DDX4: variants seen among roughly 807,000 people sequenced by gnomAD.
The protein encoded by DDX4 is probable ATP-dependent RNA helicase DDX4.
In DDX4, 25 loss-of-function variants were observed where a neutral mutation model predicts 100.0. That is an observed-to-expected ratio of 0.25 (90% CI 0.18 to 0.35). The LOEUF is 0.35. Among genes scored for constraint, DDX4 ranks in the 10% least tolerant of loss-of-function variants. The pLI, the probability that DDX4 is intolerant of heterozygous loss-of-function variation, is 1.00. For missense variants in DDX4, 635 were observed against 882.4 expected (o/e 0.72, Z 3.55); for synonymous variants, 259 against 275.7 (o/e 0.94, Z 0.60).
rs1392558099 is a variant in DDX4 at position 55,765,413 on chromosome 5, A to AAAAAAATATAT, written c.334+1350_334+1351insAAAAATATATA. 7.2e-5 allele frequency among the ~76,000 whole-genome samples: 6 copies of AAAAAAATATAT among 83,036 alleles called. No individual in the cohort carries two copies. In the Admixed American group the frequency reaches 8.5e-4, roughly 12 times the overall value. 54.5% of individuals were successfully genotyped at this position (83,036 alleles called of 152,430 possible). A position where few individuals can be genotyped will look rare whatever the true frequency, so the allele number is the denominator to read the frequency against. ...GTTCCCCTAAAAAAAAAAAAAAAAA[A>AAAAAAATATAT]ATATATATATATATATATATATATG... On this transcript the variant is annotated intron_variant, in intron 6 of 21. Transcript: ENST00000505374.
chr5:55,756,440 G>A (rs1247410945), intron 3 of DDX4, among the ~76,000 whole-genome samples: 1 of 152,126 alleles, frequency 6.6e-6, no homozygotes, highest in Non-Finnish European at 1.5e-5. Context: ...TAGAAGTCAG[G>A]AGAGCTGGCA....
intron 21 of DDX4, 28 bp from the exon 22 acceptor site, chr5:55,816,435 T>G: frequency 4.3e-6 from 1 of 233,750 alleles, no homozygotes. Flanking sequence ...TGTTTGTTTC[T>G]TTTTTTTTTT....
At chr5:55,803,869 A>G (rs1743504692) in intron 18 of DDX4, among the ~76,000 whole-genome samples, 2 of 152,130 alleles carry the variant, frequency 1.3e-5, no homozygotes, top group Admixed American at 6.6e-5. Flanking sequence ...GTCAAATGGT[A>G]TTTCTAGTTC....
intron 18 of DDX4, among the ~76,000 whole-genome samples, chr5:55,799,221 C>T (rs1256462351): frequency 6.6e-6 from 1 of 152,098 alleles, no homozygotes; most frequent in African/African-American, 2.4e-5. Context: ...GCATGCGCTA[C>T]CATGCCTAGC....
chr5:55,763,178 C>T lies in DDX4; in HGVS notation c.209C>T (p.Ala70Val). The T allele has an allele frequency of 6.2e-7, 1 of 1,607,138 alleles. No homozygotes were observed. Among genetic ancestry groups the T allele is most frequent in the Non-Finnish European group, 8.5e-7 (1 of 1,174,256 alleles). Residue 70 changes from alanine (A) to valine (V), a missense_variant, in exon 5 of 22, where the codon GCT (alanine) becomes GTT (valine). Around this residue, in one of 4 missense-constraint regions of DDX4, gnomAD observed 446 missense variants for 540.8 expected, o/e 0.82. Transcript: ENST00000505374. ...ASGRNFGNRD[A>V]GECNKRDNTS... ...TTAACTGTCCACCCTTTTTCAGATG[C>T]TGGTGAGTGTAATAAGCGAGATAAT...
chr5:55,803,722 A>C lies in DDX4; in HGVS notation c.1615+5151A>C, dbSNP rs903018048. On this transcript the variant is annotated intron_variant, in intron 18 of 21. Coordinates refer to ENST00000505374, the MANE Select transcript of DDX4 (RefSeq NM_024415.3). ...GTGCCACATTTTCTTAATCCAGTCTATCATTGTTGGACATTTGGGTTGGTT... is the reference window on the plus strand; with the variant it reads ...GTGCCACATTTTCTTAATCCAGTCTCTCATTGTTGGACATTTGGGTTGGTT... Among the ~76,000 whole-genome samples, 99 of 152,070 alleles carry C rather than the reference A, an allele frequency of 6.5e-4. 1 individual carries two copies. The highest frequency in any genetic ancestry group is 2.3e-3 in the African/African-American group (95 of 41,468).
chr5:55,798,285 G>T (rs1305568358), intron 17 of DDX4, 141 bp from the exon 18 acceptor site: 26 of 838,538 alleles, frequency 3.1e-5, no homozygotes, highest in Non-Finnish European at 4.6e-5. Flanking sequence ...GTACTTGGGT[G>T]ATATAAGTAA....
intron 18 of DDX4, among the ~76,000 whole-genome samples, chr5:55,805,177 T>A (rs1743612254): frequency 6.6e-6 from 1 of 151,888 alleles, no homozygotes; most frequent in Admixed American, 6.6e-5. Context: ...TGATTTTGTA[T>A]CCTGAGACTT....
chr5:55,773,516 A>G (rs1405280896), intron 7 of DDX4, among the ~76,000 whole-genome samples: 1 of 152,052 alleles, frequency 6.6e-6, no homozygotes, highest in South Asian at 2.1e-4. Context: ...TACCACTCTC[A>G]ATGTTATGAG....
chr5:55,765,335 C>T (rs920794344), intron 6 of DDX4, among the ~76,000 whole-genome samples: 4 of 147,254 alleles, frequency 2.7e-5, no homozygotes, highest in African/African-American at 5.0e-5. Context: ...AACTTCTCTC[C>T]GAAGTGGCCT....
At chr5:55,815,935 TG>T (rs1414267672) in intron 21 of DDX4, among the ~76,000 whole-genome samples, 4 of 121,894 alleles carry the variant, frequency 3.3e-5, no homozygotes, top group African/African-American at 1.3e-4. Context: ...CCATCTTAGC[TG>T]GTTTTTTTTT....
At chr5:55,814,563 C>G (rs191381866) in intron 19 of DDX4, among the ~76,000 whole-genome samples, 11 of 151,908 alleles carry the variant, frequency 7.2e-5, no homozygotes, top group African/African-American at 2.7e-4. Flanking sequence ...ATGGCACGAT[C>G]TCAGCTCACC....
chr5:55,745,801 A>G (rs1373299387), intron 2 of DDX4, among the ~76,000 whole-genome samples: 1 of 152,176 alleles, frequency 6.6e-6, no homozygotes, highest in Non-Finnish European at 1.5e-5. Context: ...AACCCTTTCT[A>G]TAAAGGGCCA....
chr5:55,773,077 TC>T (rs1282186746), intron 7 of DDX4: 1 of 152,364 alleles, frequency 6.6e-6, no homozygotes, highest in East Asian at 1.9e-4. Context: ...AATTTATTTC[TC>T]ACAGTTCTGG....
chr5:55,792,598 C>A, intron 16 of DDX4, 43 bp from the exon 17 acceptor site: 5 of 982,070 alleles, frequency 5.1e-6, no homozygotes, highest in East Asian at 3.1e-5. Context: ...TTAATATAAA[C>A]TAATATGCAT....
At chr5:55,752,322 A>G (rs1310414236) in intron 3 of DDX4, among the ~76,000 whole-genome samples, 1 of 126,336 alleles carries the variant, frequency 7.9e-6, no homozygotes, top group East Asian at 2.8e-4. Context: ...TCCCAATGCT[A>G]TCCCTCCCCC....
At chr5:55,747,511 C>T (rs1759307261) in intron 3 of DDX4, among the ~76,000 whole-genome samples, 1 of 152,228 alleles carries the variant, frequency 6.6e-6, no homozygotes, top group East Asian at 1.9e-4. Flanking sequence ...GATGCCACTG[C>T]ACCCTTGCCT....
chr5:55,810,723 G>A (rs1357907534), intron 18 of DDX4, among the ~76,000 whole-genome samples: 1 of 151,990 alleles, frequency 6.6e-6, no homozygotes, highest in Non-Finnish European at 1.5e-5. Flanking sequence ...ATAAACCTTT[G>A]TGCTTTTCCT....
At chr5:55,810,556 A>AT (rs1744065214) in intron 18 of DDX4, among the ~76,000 whole-genome samples, 1 of 152,228 alleles carries the variant, frequency 6.6e-6, no homozygotes, top group South Asian at 2.1e-4. Context: ...GGATTTTCAA[A>AT]TTAGGAATGC....
Sources: allele counts gnomAD v4.1 joint callset (sites outside exome capture counted in the v4.1 genomes callset), GRCh38; gene constraint gnomAD v4.1.1; regional missense constraint gnomAD v4.1.1; transcripts MANE v1.5; gene names NCBI Gene and HGNC (gene_info 2026-07-23, HGNC 2026-07-21).